Variants in MAVS observed in about 807,000 individuals in gnomAD.
The protein encoded by MAVS is mitochondrial antiviral signaling protein, also known as mitochondrial antiviral-signaling protein.
In MAVS, 20 loss-of-function variants were observed where a neutral mutation model predicts 30.2. The observed-to-expected ratio is 0.66, with a 90% CI of 0.47 to 0.96. The LOEUF (loss-of-function observed/expected upper bound fraction) is 0.96, where lower values mean the gene tolerates loss of function less well. Among genes scored for constraint, MAVS ranks in the 40% least tolerant of loss-of-function variants. The probability of loss-of-function intolerance (pLI) is 0.00; values close to 1 mark genes in which losing one functional copy is unlikely to be tolerated. For missense variants in MAVS, 624 were observed against 701.1 expected, an observed-to-expected ratio of 0.89 and a Z score of 1.24; for synonymous variants, 278 against 293.9, an observed-to-expected ratio of 0.95 and a Z score of 0.55.
chr20:3,859,855 C>T lies in MAVS; in HGVS notation c.293-1477C>T, dbSNP rs185509044. Among the ~76,000 whole-genome samples the T allele has an allele frequency of 5.7e-3, 864 of 151,824 alleles. 17 individuals carry two copies. The highest frequency in any genetic ancestry group is 8.1e-3 in the Non-Finnish European group (552 of 67,918). Reference sequence around the variant, plus strand: ...TTTTTGAAATGGAGTTTCGCTCTGTCGCCCAGGCTGGAGTGCAGTGGTGCC... The same window carrying T: ...TTTTTGAAATGGAGTTTCGCTCTGTTGCCCAGGCTGGAGTGCAGTGGTGCC... On this transcript the variant is annotated intron_variant, in intron 3 of 6. Coordinates refer to ENST00000428216, the MANE Select transcript of MAVS (RefSeq NM_020746.5).
In MAVS at chr20:3,864,751, CCAG is replaced by C. The variant is rs1163385671; in HGVS notation, c.1124_1126del (p.Ser375del). 2 of 1,614,046 alleles carry C rather than the reference CCAG, an allele frequency of 1.2e-6. No individual in the cohort carries two copies. Among genetic ancestry groups the C allele is most frequent in the Non-Finnish European group, 1.7e-6 (2 of 1,180,044 alleles). The stretch of plus-strand genomic sequence containing the variant: ...AGCATGGTGCTCACCAAGGTGTCTG[CCAG>C]CACAGTCCCCACTGACGGGAGCAGC... On this transcript the variant is annotated inframe_deletion, in exon 6 of 7. Coordinates refer to ENST00000428216, the MANE Select transcript of MAVS (RefSeq NM_020746.5).
rs775410649 is a variant in MAVS, at chr20:3,857,647, G to T, written c.130G>T (p.Ala44Ser). ...TTGTGTCTTCCAGGATCGACTGCGG[G>T]CCACCTGCACACTCTCAGGGAACCG... ...LTARDQDRLRATCTLSGNRDT... is the reference protein window; with the variant it reads ...LTARDQDRLRSTCTLSGNRDT... Residue 44 changes from alanine (A) to serine (S), a missense_variant, in exon 3 of 7, where the codon GCC (alanine) becomes TCC (serine). Transcript: ENST00000428216. The T allele has an allele frequency of 6.2e-7, 1 of 1,611,934 alleles. No homozygotes were observed. Among genetic ancestry groups the T allele is most frequent in the East Asian group, 2.2e-5 (1 of 44,814 alleles).
chr20:3,871,457 C>G lies in MAVS; in HGVS notation c.*5310C>G, dbSNP rs578032824. 3.6e-4 allele frequency: 56 copies of G among 153,484 alleles called. No homozygotes were observed. Among genetic ancestry groups the G allele is most frequent in the African/African-American group, 1.3e-3 (55 of 41,578 alleles). The allele number at this position is 153,484 out of a possible 1,614,324, so 9.5% of individuals were successfully genotyped here. ...GCTCTTTGGAGGTGCCTGGCTGCTA[C>G]TACTGTCCCAGAGAGGTGATGATGA... On this transcript the variant is annotated 3_prime_UTR_variant, in exon 7 of 7. Transcript: ENST00000428216.
At position 3,862,316 on chromosome 20, in the gene MAVS, C is replaced by T. The variant is rs1366838806; in HGVS notation, c.528C>T (p.Gly176=). ...PRAIPRNPDG[G]PLESSSDLAA... is the part of the protein sequence containing the mutation. ...CCATCCCAAGGAATCCAGATGGTGG[C>T]CCCCTGGAGTCCTCCTCTGACCTGG... Residue 176 remains glycine, a synonymous_variant, in exon 5 of 7, where the codon GGC becomes GGT. Coordinates refer to ENST00000428216, the MANE Select transcript of MAVS (RefSeq NM_020746.5). 2 of 1,614,070 alleles carry T rather than the reference C, an allele frequency of 1.2e-6. No individual in the cohort carries two copies. The highest frequency in any genetic ancestry group is 1.1e-5 in the South Asian group (1 of 91,072).
chr20:3,862,235 A>G lies in MAVS; in HGVS notation c.466-19A>G, dbSNP rs1290229003. 3.1e-6 allele frequency: 5 copies of G among 1,610,776 alleles called. No individual in the cohort carries two copies. The highest frequency in any genetic ancestry group is 1.7e-5 in the Admixed American group (1 of 59,398). ...CTTGGGAGAGGCAACTGCCTTATTC[A>G]TATTTTCCCTCATTGCAGAATTCAG... On this transcript the variant is annotated intron_variant, in intron 4 of 6. Transcript: ENST00000428216.
chr20:3,850,290 A>G (rs1386562032), intron 1 of MAVS, among the ~76,000 whole-genome samples: 4 of 141,380 alleles, frequency 2.8e-5, no homozygotes, highest in Non-Finnish European at 6.1e-5. Context: ...AAAAAAAAAA[A>G]AAAAAAAAAG....
intron 1 of MAVS, among the ~76,000 whole-genome samples, chr20:3,850,364 G>A (rs1255406800): frequency 9.9e-5 from 15 of 151,028 alleles, no homozygotes; most frequent in Admixed American, 8.0e-4. Context: ...TTGGGAGGCC[G>A]AGGTGAGCGG....
intron 1 of MAVS, among the ~76,000 whole-genome samples, chr20:3,853,677 C>A (rs2089783983): frequency 6.6e-6 from 1 of 152,002 alleles, no homozygotes; most frequent in Non-Finnish European, 1.5e-5. Flanking sequence ...GTTTGTAGTT[C>A]CAGCTACCGG....
intron 2 of MAVS, 39 bp downstream of exon 2, chr20:3,854,780 G>T (rs750578843): frequency 4.1e-6 from 6 of 1,454,678 alleles, no homozygotes; most frequent in South Asian, 1.2e-5. Flanking sequence ...TGGCCTGGGG[G>T]CAGGGCTGTG....
chr20:3,875,744 C>T lies in MAVS; in HGVS notation c.*9597C>T, dbSNP rs1477999015. On this transcript the variant is annotated 3_prime_UTR_variant, in exon 7 of 7. Transcript: ENST00000428216. ...TGTCCTCCCCCAGAGCTCAGTCCCTCTGCCCTTGGGTGTCCTTGGCACAAG... is the reference window on the plus strand; with the variant it reads ...TGTCCTCCCCCAGAGCTCAGTCCCTTTGCCCTTGGGTGTCCTTGGCACAAG... 6.6e-6 allele frequency: 1 copy of T among 152,436 alleles called. No individual in the cohort carries two copies. The highest frequency in any genetic ancestry group is 1.5e-5 in the Non-Finnish European group (1 of 68,068). 9.4% of individuals were successfully genotyped at this position (152,436 alleles called of 1,614,324 possible).
At chr20:3,848,754 C>T (rs2089732416) in intron 1 of MAVS, among the ~76,000 whole-genome samples, 1 of 152,224 alleles carries the variant, frequency 6.6e-6, no homozygotes, top group African/African-American at 2.4e-5. Flanking sequence ...TCTCAAACTT[C>T]ACTTGTTCCG....
Position 3,866,090 on chromosome 20 carries a change from G to A in MAVS, c.1566G>A (p.Val522=). 1 of 1,610,152 alleles carries A rather than the reference G, an allele frequency of 6.2e-7. No individual in the cohort carries two copies. Residue 522 remains valine, a synonymous_variant, in exon 7 of 7, where the codon GTG becomes GTA. Coordinates refer to ENST00000428216, the MANE Select transcript of MAVS (RefSeq NM_020746.5). The stretch of plus-strand genomic sequence containing the variant: ...GGGCTCTGTGGCTCCAGGTGGCTGT[G>A]ACAGGGGTGCTGGTAGTCACACTCC... ...SPGALWLQVA[V]TGVLVVTLLV...
At position 3,865,346 on chromosome 20, in the gene MAVS, A is replaced by G. The variant is rs2146776729; in HGVS notation, c.1159-337A>G. On this transcript the variant is annotated intron_variant, in intron 6 of 6. Coordinates refer to ENST00000428216, the MANE Select transcript of MAVS (RefSeq NM_020746.5). This position sits in a 1 kb window ranked among gnomAD's most constrained non-coding sequence, Gnocchi z 4.7. ...CATAGGGCCCTTTGGGCACATGGCC[A>G]GGCCTCTGACCCTGTGGCTGCTCTC... is the stretch of plus-strand genomic sequence containing the variant. Among the ~76,000 whole-genome samples, 2 of 152,292 alleles carry G rather than the reference A, an allele frequency of 1.3e-5. No homozygotes were observed. Among genetic ancestry groups the G allele is most frequent in the Non-Finnish European group, 2.9e-5 (2 of 68,024 alleles).
At chr20:3,853,303 C>CGATG (rs2089779199) in intron 1 of MAVS, among the ~76,000 whole-genome samples, 3 of 150,300 alleles carry the variant, frequency 2.0e-5, no homozygotes, top group Non-Finnish European at 1.5e-5. Context: ...TGGCTAACCC[C>CGATG]GTGAAACCCC....
intron 1 of MAVS, among the ~76,000 whole-genome samples, chr20:3,850,675 A>G (rs2146755147): frequency 6.6e-6 from 1 of 151,328 alleles, no homozygotes; most frequent in Middle Eastern, 3.5e-3. Flanking sequence ...TCACGAGTTC[A>G]GGAGATTGAG....
At position 3,861,410 on chromosome 20, in the gene MAVS, C is replaced by T. The variant is rs144671697; in HGVS notation, c.371C>T (p.Ala124Val). 1.4e-4 allele frequency: 221 copies of T among 1,613,932 alleles called. No homozygotes were observed. Among genetic ancestry groups the T allele is most frequent in the Middle Eastern group, 4.9e-4 (3 of 6,082 alleles). Residue 124 changes from alanine to valine, a missense_variant, in exon 4 of 7, where the codon GCG becomes GTG. By Grantham distance (64) the Ala-to-Val change is moderately conservative. Transcript: ENST00000428216. ...AGGCCAGGGCCCCCCACACCTGCTG[C>T]GGCCCACAGCATCCCCTACAACAGC... ...AERPGPPTPA[A>V]AHSIPYNSCR...
rs943525038 is a variant in MAVS at position 3,857,750 on chromosome 20, G to T, written c.233G>T (p.Gly78Val). 5.6e-6 allele frequency: 9 copies of T among 1,614,210 alleles called. No homozygotes were observed. The highest frequency in any genetic ancestry group is 7.6e-6 in the Non-Finnish European group (9 of 1,180,036). ...GAGTACTTCATTGCGGCACTGAGGG[G>T]CTGTGAGCTAGTTGATCTCGCGGAC... ...WVEYFIAALRGCELVDLADEV... is the reference protein window; with the variant it reads ...WVEYFIAALRVCELVDLADEV... Residue 78 changes from glycine to valine, a missense_variant, in exon 3 of 7, where the codon GGC becomes GTC. Transcript: ENST00000428216.
At chr20:3,851,398 C>CG (rs1409370956) in intron 1 of MAVS, among the ~76,000 whole-genome samples, 2 of 148,952 alleles carry the variant, frequency 1.3e-5, no homozygotes, top group Non-Finnish European at 3.0e-5. Flanking sequence ...CCCAGCTACT[C>CG]GGGAGGCTGA....
intron 2 of MAVS, among the ~76,000 whole-genome samples, chr20:3,857,248 T>C (rs1568534201): frequency 6.6e-6 from 1 of 152,168 alleles, no homozygotes; most frequent in East Asian, 1.9e-4. Flanking sequence ...TCCAAGGCTT[T>C]TGTATCAGAT....
Sources: allele counts gnomAD v4.1 joint callset (sites outside exome capture counted in the v4.1 genomes callset), GRCh38; gene constraint gnomAD v4.1.1; non-coding constraint Gnocchi (gnomAD v3.1); transcripts MANE v1.5; gene names NCBI Gene and HGNC (gene_info 2026-07-23, HGNC 2026-07-21).